CKAP5: variants seen among roughly 807,000 people sequenced by gnomAD.
CKAP5 encodes the protein cytoskeleton associated protein 5.
CKAP5 carries 27 observed loss-of-function variants against 232.8 expected under a neutral mutation model. That is an observed-to-expected ratio of 0.12 (90% CI 0.09 to 0.16). The LOEUF (loss-of-function observed/expected upper bound fraction) is 0.16, where lower values mean the gene tolerates loss of function less well. CKAP5 is among the 10% of genes least tolerant of loss of function. The probability of loss-of-function intolerance (pLI) is 1.00; values close to 1 mark genes in which losing one functional copy is unlikely to be tolerated. For missense variants in CKAP5, 1,838 were observed against 2,424.7 expected (o/e 0.76, Z 5.08); for synonymous variants, 785 against 841.1 (o/e 0.93, Z 1.16).
At chr11:46,795,232 G>A (rs1304710382) in intron 13 of CKAP5, among the ~76,000 whole-genome samples, 1 of 151,588 alleles carries the variant, frequency 6.6e-6, no homozygotes, top group Non-Finnish European at 1.5e-5. Flanking sequence ...GGGGGCTAAG[G>A]CAGGAGGATC....
intron 24 of CKAP5, among the ~76,000 whole-genome samples, chr11:46,772,567 T>C (rs1232408994): frequency 2.6e-5 from 4 of 152,214 alleles, no homozygotes; most frequent in Non-Finnish European, 5.9e-5. Context: ...GGACTTATTT[T>C]TGTAGCTTTG....
Position 46,750,408 on chromosome 11 carries a change from T to A in CKAP5, c.5570A>T (p.Lys1857Met). 1 of 1,614,168 alleles carries A rather than the reference T, an allele frequency of 6.2e-7. No homozygotes were observed. Among genetic ancestry groups the A allele is most frequent in the Non-Finnish European group, 8.5e-7 (1 of 1,179,984 alleles). Reference protein sequence around the residue: ...KEGLAELYEYKKKYSDADIEP... With the variant: ...KEGLAELYEYMKKYSDADIEP... ...AATGTCAGCATCTGAGTATTTCTTC[T>A]TATATTCATATAACTCTGCTAGTCC... Residue 1857 changes from lysine to methionine, a missense_variant, in exon 42 of 44, where the codon AAG becomes ATG. By Grantham distance (95) the Lys-to-Met change is moderately conservative (BLOSUM62 -1). This residue lies in a region of CKAP5 where 579 missense variants were observed against 843.2 expected (regional missense o/e 0.69). Transcript: ENST00000529230.
At position 46,797,950 on chromosome 11, in the gene CKAP5, C is replaced by T; in HGVS notation, c.1193G>A (p.Ser398Asn). The change falls in exon 11 of 44, where the codon AGT (serine) becomes AAT (asparagine). Residue 398 changes from serine to asparagine, a missense_variant. Ser to Asn is a conservative substitution (Grantham distance 46). Around this residue, in one of 6 missense-constraint regions of CKAP5, gnomAD observed 97 missense variants for 167.7 expected, o/e 0.58. Transcript: ENST00000529230. ...ATCCATTACTGCTAAAACATCCTCA[C>T]TGATGTTCTGTAGTGTGGTCTTTAG... ...IFLTTTLQNI[S>N]EDVLAVMDNK... 1 of 1,613,818 alleles carries T rather than the reference C, an allele frequency of 6.2e-7. No individual in the cohort carries two copies. The highest frequency in any genetic ancestry group is 8.5e-7 in the Non-Finnish European group (1 of 1,179,938).
Position 46,783,288 on chromosome 11 carries a change from T to C in CKAP5, c.2235A>G (p.Glu745=). Residue 745 remains glutamate (E), a synonymous_variant, in exon 18 of 44, where the codon GAA becomes GAG. Coordinates refer to ENST00000529230, the MANE Select transcript of CKAP5 (RefSeq NM_001008938.4). ...TLNWLSNAIK[E]FGFSGLNVKA... is the part of the protein sequence containing the mutation. ...TTCTGACTTACCCAGAAAAACCAAA[T>C]TCTTTTATGGCATTTGATAGCCAAT... 6.2e-7 allele frequency: 1 copy of C among 1,608,138 alleles called. No individual in the cohort carries two copies. The highest frequency in any genetic ancestry group is 8.5e-7 in the Non-Finnish European group (1 of 1,176,114).
At chr11:46,800,484 G>C (rs149146101) in intron 9 of CKAP5, among the ~76,000 whole-genome samples, 1 of 152,296 alleles carries the variant, frequency 6.6e-6, no homozygotes, top group African/African-American at 2.4e-5. Context: ...AAACTCTAAA[G>C]ATCAATAAGG....
chr11:46,835,749 G>C (rs769587424), intron 1 of CKAP5, among the ~76,000 whole-genome samples: 1 of 152,088 alleles, frequency 6.6e-6, no homozygotes, highest in Non-Finnish European at 1.5e-5. Flanking sequence ...CCTTAACTCC[G>C]GGAAGTGGAA....
intron 1 of CKAP5, among the ~76,000 whole-genome samples, chr11:46,840,297 TAAAA>T: frequency 6.6e-6 from 1 of 152,198 alleles, no homozygotes; most frequent in Non-Finnish European, 1.5e-5. Context: ...GTTTGACAGA[TAAAA>T]CTGTCAAACT....
At chr11:46,790,228 G>A in intron 14 of CKAP5, 42 bp from the exon 15 acceptor site, 1 of 1,350,810 alleles carries the variant, frequency 7.4e-7, no homozygotes, top group Non-Finnish European at 1.0e-6. Flanking sequence ...AATTGCTTAA[G>A]GGAACAGATG....
intron 1 of CKAP5, among the ~76,000 whole-genome samples, chr11:46,830,160 G>A (rs540469983): frequency 6.6e-6 from 1 of 152,108 alleles, no homozygotes; most frequent in South Asian, 2.1e-4. Context: ...GAATAGAGTA[G>A]GCCGGGCACG....
chr11:46,822,595 CAAA>C (rs1252182139), intron 1 of CKAP5, among the ~76,000 whole-genome samples: 1 of 151,508 alleles, frequency 6.6e-6, no homozygotes, highest in Non-Finnish European at 1.5e-5. Flanking sequence ...ATTAAAAACA[CAAA>C]AAATTAGCCG....
Position 46,771,320 on chromosome 11 carries a change from T to C in CKAP5, c.2992-338A>G, listed in dbSNP as rs1035328812. Among the ~76,000 whole-genome samples the C allele has an allele frequency of 4.6e-5, 7 of 152,252 alleles. No homozygotes were observed. In the East Asian group the frequency reaches 7.7e-4, roughly 17 times the overall value. ...GCTAGAAGACCCAAAGCACTTATTGTGATCAGAAGGTTACAAATTTTACCA... is the reference window on the plus strand; with the variant it reads ...GCTAGAAGACCCAAAGCACTTATTGCGATCAGAAGGTTACAAATTTTACCA... On this transcript the variant is annotated intron_variant, in intron 24 of 43. Coordinates refer to ENST00000529230, the MANE Select transcript of CKAP5 (RefSeq NM_001008938.4).
intron 31 of CKAP5, 127 bp downstream of exon 31, chr11:46,762,500 G>A (rs1287868586): frequency 5.9e-6 from 7 of 1,180,266 alleles, no homozygotes; most frequent in African/African-American, 3.0e-5. Context: ...CACTCTCACA[G>A]TCTAAATCAG....
intron 1 of CKAP5, among the ~76,000 whole-genome samples, chr11:46,834,648 T>A (rs1939875974): frequency 6.6e-6 from 1 of 151,960 alleles, no homozygotes; most frequent in Non-Finnish European, 1.5e-5. Flanking sequence ...TTCCTTTTCA[T>A]CCTATAGAAA....
At chr11:46,773,455 G>C (rs2065266734) in intron 24 of CKAP5, among the ~76,000 whole-genome samples, 1 of 151,752 alleles carries the variant, frequency 6.6e-6, no homozygotes, top group Admixed American at 6.6e-5. Flanking sequence ...CACCATGTTG[G>C]CTAGGCTGGT....
chr11:46,768,080 G>T (rs2065218171), intron 26 of CKAP5, among the ~76,000 whole-genome samples: 1 of 152,096 alleles, frequency 6.6e-6, no homozygotes, highest in African/African-American at 2.4e-5. Context: ...ACAGGCGTGA[G>T]TCACTGTGCC....
Position 46,753,498 on chromosome 11 carries a change from C to A in CKAP5, c.4870-1G>T. 1 of 1,606,812 alleles carries A rather than the reference C, an allele frequency of 6.2e-7. No homozygotes were observed. ...GGGCAAGGCTCTCTATCTGAAACAG[C>A]TATCCAGACATACTTGTGTCAGGGA... On this transcript the variant is annotated splice_acceptor_variant, in intron 36 of 43. Transcript: ENST00000529230. LOFTEE classifies it high-confidence loss of function.
intron 16 of CKAP5, among the ~76,000 whole-genome samples, chr11:46,788,242 T>C (rs1359131242): frequency 6.6e-6 from 1 of 152,202 alleles, no homozygotes; most frequent in Non-Finnish European, 1.5e-5. Context: ...ACTGTAGTTA[T>C]GTGTTCAATC....
chr11:46,838,793 CAAAAAAAAAAAAAAA>C (rs71042626), intron 1 of CKAP5, among the ~76,000 whole-genome samples: 5 of 45,930 alleles, frequency 1.1e-4, no homozygotes, highest in African/African-American at 5.0e-4. Context: ...GACCCCATCT[CAAAAAAAAAAAAAAA>C]AAAAAAAAAA....
At chr11:46,831,161 AC>A (rs1939783262) in intron 1 of CKAP5, among the ~76,000 whole-genome samples, 1 of 152,260 alleles carries the variant, frequency 6.6e-6, no homozygotes, top group South Asian at 2.1e-4. Context: ...GAACTTTAAT[AC>A]CCATCCATGC....
Sources: gnomAD v4.1 joint callset for allele counts (sites outside exome capture counted in the v4.1 genomes callset) on GRCh38, gnomAD v4.1.1 for gene constraint, gnomAD v4.1.1 regional missense constraint, MANE v1.5 for transcripts, NCBI Gene and HGNC (gene_info 2026-07-23, HGNC 2026-07-21) for gene names.